Variants in SMURF1 observed in about 807,000 individuals in gnomAD.
The protein encoded by SMURF1 is SMAD specific E3 ubiquitin protein ligase 1, also known as E3 ubiquitin-protein ligase SMURF1.
Under a neutral mutation model 98.0 loss-of-function variants are expected in SMURF1, and 44 were observed. The observed-to-expected ratio is 0.45, with a 90% confidence interval of 0.35 to 0.58. SMURF1 has a LOEUF of 0.58. Among genes scored for constraint, SMURF1 ranks in the 20% least tolerant of loss-of-function variants. SMURF1 has a pLI of 0.00. For missense variants in SMURF1, 687 were observed against 938.4 expected (o/e 0.73, Z 3.50); for synonymous variants, 396 against 374.9 (o/e 1.06, Z -0.65).
chr7:99,076,662 C>T (rs899842051), intron 1 of SMURF1, among the ~76,000 whole-genome samples: 1 of 152,180 alleles, frequency 6.6e-6, no homozygotes, highest in Admixed American at 6.5e-5. Context: ...AAAAATAAGA[C>T]AGTGAAAGCA....
At chr7:99,109,444 A>G (rs935783557) in intron 1 of SMURF1, among the ~76,000 whole-genome samples, 1 of 152,076 alleles carries the variant, frequency 6.6e-6, no homozygotes, top group Non-Finnish European at 1.5e-5. Context: ...ACACTCACTG[A>G]GCTGCACCCA....
At chr7:99,140,868 A>G (rs1260743367) in intron 1 of SMURF1, among the ~76,000 whole-genome samples, 2 of 152,114 alleles carry the variant, frequency 1.3e-5, no homozygotes, top group Admixed American at 6.5e-5. Flanking sequence ...ATTTTGAAAG[A>G]TTGCTTCTCA....
intron 1 of SMURF1, among the ~76,000 whole-genome samples, chr7:99,109,364 G>A (rs950752129): frequency 6.6e-6 from 1 of 152,120 alleles, no homozygotes; most frequent in Non-Finnish European, 1.5e-5. Flanking sequence ...GCTCCCAAAC[G>A]CTGACCAGAT....
intron 8 of SMURF1, 103 bp from the exon 9 acceptor site, chr7:99,049,812 G>T: frequency 8.6e-7 from 1 of 1,165,956 alleles, no homozygotes; most frequent in Non-Finnish European, 1.2e-6. Context: ...CAAGGTGTCT[G>T]TGTCCCAGCT....
chr7:99,072,232 C>T (rs1796342293), intron 1 of SMURF1, among the ~76,000 whole-genome samples: 1 of 152,184 alleles, frequency 6.6e-6, no homozygotes, highest in African/African-American at 2.4e-5. Context: ...CTATGTTGCC[C>T]AGGCTGGTCT....
intron 1 of SMURF1, among the ~76,000 whole-genome samples, chr7:99,078,506 C>T (rs570496566): frequency 1.3e-5 from 2 of 152,162 alleles, no homozygotes; most frequent in African/African-American, 2.4e-5. Flanking sequence ...CTCAACCCCC[C>T]CTCCCCTGCA....
chr7:99,042,476 T>C (rs1041714953), intron 11 of SMURF1, among the ~76,000 whole-genome samples: 3 of 152,194 alleles, frequency 2.0e-5, no homozygotes, highest in Admixed American at 2.0e-4. Flanking sequence ...GGTTTCACCA[T>C]GTTGGCCAGG....
chr7:99,034,234 A>T (rs978538111), intron 16 of SMURF1, among the ~76,000 whole-genome samples: 2 of 152,192 alleles, frequency 1.3e-5, no homozygotes, highest in Non-Finnish European at 2.9e-5. Context: ...GCCACCATTC[A>T]GTGCCCTCCC....
chr7:99,037,556 A>G (rs1217172891), intron 14 of SMURF1, among the ~76,000 whole-genome samples: 2 of 152,176 alleles, frequency 1.3e-5, no homozygotes, highest in African/African-American at 4.8e-5. Context: ...AGGTTCTGAT[A>G]TCACAGTCTG....
chr7:99,101,407 T>C (rs763154491), intron 1 of SMURF1, among the ~76,000 whole-genome samples: 2 of 152,214 alleles, frequency 1.3e-5, no homozygotes, highest in African/African-American at 2.4e-5. Context: ...GTTCCATTCA[T>C]GTAACATGCA....
At chr7:99,075,999 C>G (rs6956450) in intron 1 of SMURF1, among the ~76,000 whole-genome samples, 53,642 of 152,106 alleles carry the variant, frequency 0.35, 11,613 homozygotes, top group Non-Finnish European at 0.48. Context: ...GCACCCAGGT[C>G]AGGAAATAGA....
At chr7:99,093,863 A>G (rs1244296534) in intron 1 of SMURF1, among the ~76,000 whole-genome samples, 1 of 152,286 alleles carries the variant, frequency 6.6e-6, no homozygotes, top group East Asian at 1.9e-4. Context: ...AAAGCTTTAC[A>G]ATCTAAATGT....
chr7:99,094,187 C>T (rs575721709), intron 1 of SMURF1, among the ~76,000 whole-genome samples: 1 of 152,222 alleles, frequency 6.6e-6, no homozygotes, highest in South Asian at 2.1e-4. Flanking sequence ...TAAACAACCT[C>T]TTCTGTAAGA....
rs188322147 is a variant in SMURF1, at chr7:99,117,801, T to C, written c.55+25925A>G. Among the ~76,000 whole-genome samples the C allele has an allele frequency of 2.1e-3, 323 of 151,774 alleles. 1 individual carries two copies. The highest frequency in any genetic ancestry group is 7.4e-3 in the African/African-American group (305 of 41,438). ...AGTCTAATATCAAGAATATATATGC[T>C]GAGCGTGGTGGCTCACGCCTGTAAT... On this transcript the variant is annotated intron_variant, in intron 1 of 17. Coordinates refer to ENST00000361368, the MANE Select transcript of SMURF1 (RefSeq NM_181349.3).
At chr7:99,037,991 C>T (rs1162528166) in intron 14 of SMURF1, among the ~76,000 whole-genome samples, 1 of 152,066 alleles carries the variant, frequency 6.6e-6, no homozygotes, top group Non-Finnish European at 1.5e-5. Flanking sequence ...GCCTAGGCCG[C>T]AAGTGCCTAG....
At chr7:99,110,983 C>T (rs1196704356) in intron 1 of SMURF1, among the ~76,000 whole-genome samples, 2 of 152,184 alleles carry the variant, frequency 1.3e-5, no homozygotes, top group Admixed American at 1.3e-4. Context: ...AGTATTTTAG[C>T]ATTTGCTTGT....
intron 1 of SMURF1, among the ~76,000 whole-genome samples, chr7:99,065,024 T>G (rs1796153688): frequency 2.0e-5 from 3 of 152,230 alleles, no homozygotes; most frequent in Admixed American, 2.0e-4. Context: ...TTTTACCTAT[T>G]TACAATAGAG....
chr7:99,073,059 T>C (rs1211689066), intron 1 of SMURF1, among the ~76,000 whole-genome samples: 1 of 152,178 alleles, frequency 6.6e-6, no homozygotes, highest in African/African-American at 2.4e-5. Context: ...ATTCACTGAC[T>C]CACGCTACTT....
At chr7:99,089,830 AT>A (rs969296946) in intron 1 of SMURF1, among the ~76,000 whole-genome samples, 2 of 152,182 alleles carry the variant, frequency 1.3e-5, no homozygotes, top group African/African-American at 2.4e-5. Context: ...CTTATCTTGG[AT>A]TAACTTTTCT....
Sources: allele counts gnomAD v4.1 joint callset (sites outside exome capture counted in the v4.1 genomes callset), GRCh38; gene constraint gnomAD v4.1.1; transcripts MANE v1.5; gene names NCBI Gene and HGNC (gene_info 2026-07-23, HGNC 2026-07-21).